Variants in LAMA1 observed in about 807,000 individuals in gnomAD.
LAMA1 encodes laminin subunit alpha 1, also known as laminin subunit alpha-1.
Under a neutral mutation model 348.7 loss-of-function variants are expected in LAMA1, and 219 were observed. That is an observed-to-expected ratio of 0.63 (90% CI 0.56 to 0.70). The LOEUF (loss-of-function observed/expected upper bound fraction) is 0.70, where lower values mean the gene tolerates loss of function less well. Ranked by LOEUF, LAMA1 falls within the 30% of genes least tolerant of loss-of-function variation. The pLI is 0.00. For missense variants in LAMA1, 3,744 were observed against 3,888.0 expected (o/e 0.96, Z 0.99); for synonymous variants, 1,487 against 1,491.0 (o/e 1.00, Z 0.06).
At position 7,078,998 on chromosome 18, in the gene LAMA1, AT is replaced by A. The variant is rs1249601832; in HGVS notation, c.345+976del. ...GAGACTTTGTCTCAAAAAATAAAAA[AT>A]AAAAATAAAAAATAAAAAAAAATTC... On this transcript the variant is annotated intron_variant, in intron 3 of 62. Transcript: ENST00000389658. Among the ~76,000 whole-genome samples the A allele has an allele frequency of 1.6e-4, 25 of 152,110 alleles. 1 individual carries two copies. The highest frequency in any genetic ancestry group is 1.6e-3 in the Admixed American group (25 of 15,278).
chr18:7,017,175 G>GT, intron 20 of LAMA1, 103 bp downstream of exon 20: 2 of 886,736 alleles, frequency 2.3e-6, no homozygotes, highest in Non-Finnish European at 3.7e-6. Context: ...CTATAGCAGT[G>GT]TGAGAACAAA....
chr18:7,005,922 G>A (rs1477037392), intron 29 of LAMA1, among the ~76,000 whole-genome samples: 1 of 152,138 alleles, frequency 6.6e-6, no homozygotes, highest in Non-Finnish European at 1.5e-5. Context: ...CGGGAGGCAG[G>A]TTGGGAGCCT....
chr18:6,970,426 G>A (rs1371361104), intron 48 of LAMA1, among the ~76,000 whole-genome samples: 1 of 152,148 alleles, frequency 6.6e-6, no homozygotes, highest in Non-Finnish European at 1.5e-5. Context: ...ATTTATAGAG[G>A]TGGGTAAGAC....
In LAMA1 at chr18:7,098,524, A is replaced by G. The variant is rs551685385; in HGVS notation, c.62-18067T>C. On this transcript the variant is annotated intron_variant, in intron 1 of 62. Transcript: ENST00000389658. ...CCGCCCCGTCTGGGATGTGAGGAGC[A>G]CCTCTGCCCGGCTGCGACCCCGTCT... Among the ~76,000 whole-genome samples the G allele has an allele frequency of 3.7e-3, 472 of 129,142 alleles. 3 individuals are homozygous for G. Among genetic ancestry groups the G allele is most frequent in the South Asian group, 0.027 (109 of 4,002 alleles). The allele number at this position is 129,142 out of a possible 152,430, so 84.7% of individuals were successfully genotyped here. A position where few individuals can be genotyped will look rare whatever the true frequency, so the allele number is the denominator to read the frequency against.
intron 3 of LAMA1, among the ~76,000 whole-genome samples, chr18:7,069,353 G>T (rs1362929039): frequency 6.6e-6 from 1 of 152,170 alleles, no homozygotes; most frequent in Non-Finnish European, 1.5e-5. Flanking sequence ...CTCACCTAAA[G>T]ACAGGGGTGC....
At chr18:7,089,911 T>C (rs2058233184) in intron 1 of LAMA1, among the ~76,000 whole-genome samples, 1 of 152,196 alleles carries the variant, frequency 6.6e-6, no homozygotes, top group African/African-American at 2.4e-5. Flanking sequence ...TCAAACCTTT[T>C]ATTTCCCCAG....
In LAMA1 at chr18:7,016,592, C is replaced by T; in HGVS notation, c.2888G>A (p.Cys963Tyr). 1.9e-6 allele frequency: 3 copies of T among 1,614,144 alleles called. No individual in the cohort carries two copies. Among genetic ancestry groups the T allele is most frequent in the Non-Finnish European group, 2.5e-6 (3 of 1,180,020 alleles). ...ACAGTGACACTGGCCTTCATCCGTG[C>T]AGCCATCTGACACGGAGCCTGCCAC... The part of the protein sequence containing the change: ...CSVAGSVSDG[C>Y]TDEGQCHCVP... Residue 963 changes from cysteine (C) to tyrosine (Y), a missense_variant, in exon 21 of 63, where the codon TGC becomes TAC. By Grantham distance (194) the Cys-to-Tyr change is radical. This residue lies in a region of LAMA1 where 1,529 missense variants were observed against 1,689.4 expected (regional missense o/e 0.91). Transcript: ENST00000389658.
At chr18:7,038,569 G>C in intron 11 of LAMA1, 1 of 586,422 alleles carries the variant, frequency 1.7e-6, no homozygotes, top group Admixed American at 2.9e-5. Flanking sequence ...GAAACAAGAC[G>C]TGTTCTCTAG....
At chr18:7,112,334 G>A (rs1160644485) in intron 1 of LAMA1, among the ~76,000 whole-genome samples, 1 of 152,170 alleles carries the variant, frequency 6.6e-6, no homozygotes, top group African/African-American at 2.4e-5. Context: ...ATGAGGGGAG[G>A]ACAGTGGACA....
intron 13 of LAMA1, 149 bp from the exon 14 acceptor site, chr18:7,034,839 C>T (rs543595172): frequency 3.1e-6 from 2 of 654,812 alleles, no homozygotes; most frequent in East Asian, 5.5e-5. Flanking sequence ...AGCTCTTGGC[C>T]CAGAATTATC....
At chr18:7,115,102 G>A (rs776830441) in intron 1 of LAMA1, among the ~76,000 whole-genome samples, 10 of 152,124 alleles carry the variant, frequency 6.6e-5, no homozygotes, top group Non-Finnish European at 8.8e-5. Context: ...CAACTGCTAC[G>A]ATCAATATTT....
chr18:6,956,380 A>G (rs2057577775), intron 56 of LAMA1: 3 of 641,492 alleles, frequency 4.7e-6, no homozygotes, highest in Non-Finnish European at 8.6e-6. Flanking sequence ...GCTCTGCCAA[A>G]AGCATATTAT....
At position 7,017,398 on chromosome 18, in the gene LAMA1, C is replaced by T. The variant is rs372149557; in HGVS notation, c.2702-14G>A. 1.2e-5 allele frequency: 19 copies of T among 1,581,866 alleles called. No individual in the cohort carries two copies. Among genetic ancestry groups the T allele is most frequent in the Admixed American group, 3.3e-5 (2 of 59,782 alleles). ...GGCATTCACAGGCTAAACACATGCA[C>T]ACAAAGACATATTAACCCTCACTTC... On this transcript the variant is annotated splice_polypyrimidine_tract_variant and intron_variant, in intron 19 of 62. Coordinates refer to ENST00000389658, the MANE Select transcript of LAMA1 (RefSeq NM_005559.4).
chr18:6,987,254 G>A (rs2057739426), intron 36 of LAMA1, among the ~76,000 whole-genome samples: 1 of 152,098 alleles, frequency 6.6e-6, no homozygotes, highest in Non-Finnish European at 1.5e-5. Context: ...CAGGAAATTG[G>A]GACAACATTC....
intron 19 of LAMA1, among the ~76,000 whole-genome samples, chr18:7,019,697 T>TTTTTTTTTTTTTTTTTTTTTTTTTTC: frequency 7.2e-6 from 1 of 139,750 alleles, no homozygotes; most frequent in Admixed American, 7.3e-5. Context: ...TTTTTTTTTT[T>TTTTTTTTTTTTTTTTTTTTTTTTTTC]TTGAGACAGG....
At chr18:7,108,701 T>C (rs1444961614) in intron 1 of LAMA1, among the ~76,000 whole-genome samples, 2 of 138,926 alleles carry the variant, frequency 1.4e-5, no homozygotes, top group African/African-American at 5.4e-5. Flanking sequence ...CACTGGGAGC[T>C]TCCAAAAGCA....
chr18:7,103,854 G>C (rs2143824546), intron 1 of LAMA1, among the ~76,000 whole-genome samples: 1 of 151,690 alleles, frequency 6.6e-6, no homozygotes, highest in African/African-American at 2.4e-5. Context: ...GACCCACTGA[G>C]GTCTCCTAGC....
chr18:7,078,765 G>A (rs1041888355), intron 3 of LAMA1, among the ~76,000 whole-genome samples: 5 of 151,884 alleles, frequency 3.3e-5, no homozygotes, highest in Admixed American at 6.6e-5. Context: ...CAAGGCAGGC[G>A]GATCACGAGG....
At chr18:6,998,728 A>G (rs998260860) in intron 32 of LAMA1, among the ~76,000 whole-genome samples, 1 of 152,188 alleles carries the variant, frequency 6.6e-6, no homozygotes, top group Non-Finnish European at 1.5e-5. Flanking sequence ...AACTGGAAAA[A>G]AAGTTTACAA....
Sources: gnomAD v4.1 joint callset for allele counts (sites outside exome capture counted in the v4.1 genomes callset) on GRCh38, gnomAD v4.1.1 for gene constraint, gnomAD v4.1.1 regional missense constraint, MANE v1.5 for transcripts, NCBI Gene and HGNC (gene_info 2026-07-23, HGNC 2026-07-21) for gene names.